The following TPP1 variants were observed in gnomAD, a reference collection of about 807,000 sequenced individuals.
TPP1 encodes tripeptidyl-peptidase 1.
TPP1 carries 43 observed loss-of-function variants against 67.6 expected under a neutral mutation model. That is an observed-to-expected ratio of 0.64 (90% CI 0.50 to 0.82). TPP1 has a LOEUF of 0.82. Among genes scored for constraint, TPP1 ranks in the 40% least tolerant of loss-of-function variants. TPP1 has a pLI of 0.00. For synonymous variants in TPP1, 272 were observed against 281.5 expected (o/e 0.97, Z 0.34); for missense variants, 671 against 710.9 (o/e 0.94, Z 0.64).
chr11:6,617,816 C>T, intron 3 of TPP1, 40 bp from the exon 4 acceptor site: 1 of 1,613,884 alleles, frequency 6.2e-7, no homozygotes, highest in South Asian at 1.1e-5. Context: ...TCATTCATTG[C>T]TTTCCCAAAC....
Position 6,614,628 on chromosome 11 carries a change from C to T in TPP1, c.1610G>A (p.Cys537Tyr), listed in dbSNP as rs777744177. 2 of 1,614,022 alleles carry T rather than the reference C, an allele frequency of 1.2e-6. No individual in the cohort carries two copies. Among genetic ancestry groups the T allele is most frequent in the Non-Finnish European group, 1.7e-6 (2 of 1,180,024 alleles). The change falls in exon 13 of 13, where the codon TGC becomes TAC. Residue 537 changes from cysteine (C) to tyrosine (Y), a missense_variant. By Grantham distance (194) the Cys-to-Tyr change is radical. Transcript: ENST00000299427. ...TACAGGATCCCAGCCAGGACCAGAG[C>T]AGAAACCCTGGCCCTCTACCTCTTC... is the stretch of plus-strand genomic sequence containing the variant. ...LDEEVEGQGF[C>Y]SGPGWDPVTG...
At chr11:6,619,337 C>T in intron 1 of TPP1, 47 bp downstream of exon 1, 3 of 1,614,154 alleles carry the variant, frequency 1.9e-6, no homozygotes, top group East Asian at 2.2e-5. Context: ...CCAATGTGTG[C>T]TCCCTCCAAC....
In TPP1 at chr11:6,614,997, A is replaced by G. The variant is rs1403730443; in HGVS notation, c.1426-6T>C. The stretch of plus-strand genomic sequence containing the variant: ...CCAAACACTGGAGTAGAGGCCTACA[A>G]GAGTGAAGGTGCAAGTAGAGGTCAG... On this transcript the variant is annotated splice_region_variant and splice_polypyrimidine_tract_variant and intron_variant, in intron 11 of 12. Transcript: ENST00000299427. The G allele has an allele frequency of 7.4e-6, 12 of 1,614,034 alleles. No homozygotes were observed. Among genetic ancestry groups the G allele is most frequent in the African/African-American group, 5.3e-5 (4 of 74,912 alleles).
chr11:6,616,409 A>C lies in TPP1; in HGVS notation c.981T>G (p.Asp327Glu). Reference protein sequence around the residue: ...LPHVHTVSYGDDEDSLSSAYI... With the variant: ...LPHVHTVSYGEDEDSLSSAYI... ...AGGCGCTGCTGAGGGAGTCCTCATC[A>C]TCTCCATAGCTCACAGTATGCACAT... The change falls in exon 8 of 13, where the codon GAT (aspartate) becomes GAG (glutamate). Residue 327 changes from aspartate (D) to glutamate (E), a missense_variant. By Grantham distance (45) the Asp-to-Glu change is conservative (BLOSUM62 2). Coordinates refer to ENST00000299427, the MANE Select transcript of TPP1 (RefSeq NM_000391.4). The C allele has an allele frequency of 1.2e-6, 2 of 1,613,964 alleles. No homozygotes were observed. Among genetic ancestry groups the C allele is most frequent in the Non-Finnish European group, 1.7e-6 (2 of 1,180,008 alleles).
chr11:6,618,795 A>G lies in TPP1; in HGVS notation c.210T>C (p.Asp70=), dbSNP rs1250592540. ...AGGCACCGTATTGAGGAGAGCTGGG[A>G]TCCGACACAGCCTGCACCAGCTCCG... The part of the protein sequence containing the change: ...RLSELVQAVS[D]PSSPQYGKYL... The change falls in exon 3 of 13, where the codon GAT becomes GAC. Residue 70 remains aspartate, a synonymous_variant. Coordinates refer to ENST00000299427, the MANE Select transcript of TPP1 (RefSeq NM_000391.4). 2 of 1,613,940 alleles carry G rather than the reference A, an allele frequency of 1.2e-6. No homozygotes were observed. Among genetic ancestry groups the G allele is most frequent in the Admixed American group, 1.7e-5 (1 of 60,022 alleles).
rs994683573 is a variant in TPP1 at position 6,613,736 on chromosome 11, AC to A, written c.*809del. On this transcript the variant is annotated 3_prime_UTR_variant, in exon 13 of 13. Coordinates refer to ENST00000299427, the MANE Select transcript of TPP1 (RefSeq NM_000391.4). The stretch of plus-strand genomic sequence containing the variant: ...ATTGAAGGTGGGGTGAAAAGATGAC[AC>A]AGGTTTCTGGCTTGGTTGGAAAAAG... The A allele has an allele frequency of 2.0e-5, 3 of 152,680 alleles. No homozygotes were observed. Among genetic ancestry groups the A allele is most frequent in the African/African-American group, 7.2e-5 (3 of 41,436 alleles). The allele number at this position is 152,680 out of a possible 1,614,324, so 9.5% of individuals were successfully genotyped here.
intron 2 of TPP1, 130 bp downstream of exon 2, chr11:6,619,066 T>C (rs746805760): frequency 2.3e-4 from 332 of 1,468,356 alleles, no homozygotes; most frequent in Non-Finnish European, 2.6e-4. Flanking sequence ...GGACTGAGGC[T>C]AGGAACATAG....
rs148293107 is a variant in TPP1 at position 6,618,436 on chromosome 11, G to A, written c.229+340C>T. 3.1e-3 allele frequency: 1,633 copies of A among 525,540 alleles called. 22 individuals carry two copies. Among genetic ancestry groups the A allele is most frequent in the African/African-American group, 0.027 (1,438 of 52,564 alleles). The allele number at this position is 525,540 out of a possible 1,614,324, so 32.6% of individuals were successfully genotyped here. On this transcript the variant is annotated intron_variant, in intron 3 of 12. Transcript: ENST00000299427. The stretch of plus-strand genomic sequence containing the variant: ...GTGGGAATAAATAACGGAGTTGGTC[G>A]TAACAAAAGACGGCAAGAAGGAGAT...
chr11:6,613,449 C>T lies in TPP1; in HGVS notation c.*1097G>A, dbSNP rs939706114. 6.6e-6 allele frequency: 1 copy of T among 152,220 alleles called. No homozygotes were observed. Among genetic ancestry groups the T allele is most frequent in the African/African-American group, 2.4e-5 (1 of 41,448 alleles). 9.4% of individuals were successfully genotyped at this position (152,220 alleles called of 1,614,324 possible). On this transcript the variant is annotated 3_prime_UTR_variant, in exon 13 of 13. Transcript: ENST00000299427. ...GGGGCTGGAGGGGAAAGCCTGAATT[C>T]TATCCAGTAATCCTTGAAGGGTTTT...
chr11:6,614,914 G>T lies in TPP1; in HGVS notation c.1503C>A (p.Gly501=), dbSNP rs1408208445. Residue 501 remains glycine (G), a synonymous_variant, in exon 12 of 13, where the codon GGC becomes GGA. Transcript: ENST00000299427. ...GCTGGTAGAGCCTTGGGTTGAGAAA[G>T]CCAAGAGGGGGGCGGCCACTAAGGA... ...HRILSGRPPL[G]FLNPRLYQQH... 3.7e-6 allele frequency: 6 copies of T among 1,614,012 alleles called. No homozygotes were observed. The highest frequency in any genetic ancestry group is 4.2e-6 in the Non-Finnish European group (5 of 1,180,044).
Position 6,617,684 on chromosome 11 carries a change from C to T in TPP1, c.322G>A (p.Ala108Thr), listed in dbSNP as rs754458076. 1.9e-6 allele frequency: 3 copies of T among 1,614,220 alleles called. No individual in the cohort carries two copies. The highest frequency in any genetic ancestry group is 2.5e-6 in the Non-Finnish European group (3 of 1,180,042). ...TVQKWLLAAG[A>T]QKCHSVITQD... ...GTGATCACAGAATGGCACTTCTGGG[C>T]TCCGGCTGCCAAGAGCCATTTTTGC... Residue 108 changes from alanine to threonine, a missense_variant, in exon 4 of 13, where the codon GCC becomes ACC. Ala to Thr is a moderately conservative substitution (Grantham distance 58, BLOSUM62 0). Coordinates refer to ENST00000299427, the MANE Select transcript of TPP1 (RefSeq NM_000391.4).
At chr11:6,617,260 G>T in intron 5 of TPP1, 41 bp downstream of exon 5, 1 of 1,613,950 alleles carries the variant, frequency 6.2e-7, no homozygotes. Context: ...TCAGCCCCTG[G>T]ATCTGTGTGC....
intron 2 of TPP1, 105 bp from the exon 3 acceptor site, chr11:6,619,020 A>T: frequency 1.3e-6 from 2 of 1,548,930 alleles, no homozygotes; most frequent in Non-Finnish European, 1.8e-6. Flanking sequence ...GGAGGATCCT[A>T]GGAGCAGATA....
Position 6,617,028 on chromosome 11 carries a change from T to C in TPP1, c.634A>G (p.Thr212Ala), listed in dbSNP as rs753510626. ...PSVIRKRYNL[T>A]SQDVGSGTSN... ...GTGCCAGAGCCCACGTCTTGTGAGG[T>C]CAAGTTGTATCGCTTACGGATCACA... The change falls in exon 6 of 13, where the codon ACC becomes GCC. Residue 212 changes from threonine (T) to alanine (A), a missense_variant. Physicochemically the swap from Thr to Ala is moderately conservative, Grantham distance 58 (BLOSUM62 0). Coordinates refer to ENST00000299427, the MANE Select transcript of TPP1 (RefSeq NM_000391.4). The C allele has an allele frequency of 6.2e-7, 1 of 1,614,044 alleles. No homozygotes were observed. Among genetic ancestry groups the C allele is most frequent in the Non-Finnish European group, 8.5e-7 (1 of 1,179,990 alleles).
chr11:6,618,711 A>G, intron 3 of TPP1, 65 bp downstream of exon 3: 4 of 1,605,956 alleles, frequency 2.5e-6, no homozygotes, highest in Non-Finnish European at 3.4e-6. Flanking sequence ...TCGCCATCCC[A>G]TGCCCAACCC....
At chr11:6,615,594 G>A (rs1157141155) in intron 9 of TPP1, 32 bp from the exon 10 acceptor site, 3 of 1,613,592 alleles carry the variant, frequency 1.9e-6, no homozygotes, top group Non-Finnish European at 2.5e-6. Context: ...TGGATAGTAG[G>A]GGACCCAAGG....
chr11:6,613,632 T>C lies in TPP1; in HGVS notation c.*914A>G, dbSNP rs1418800744. The C allele has an allele frequency of 2.0e-5, 3 of 152,744 alleles. No individual in the cohort carries two copies. In the East Asian group the frequency reaches 5.8e-4, roughly 29 times the overall value. 9.5% of individuals were successfully genotyped at this position (152,744 alleles called of 1,614,324 possible). A position where few individuals can be genotyped will look rare whatever the true frequency, so the allele number is the denominator to read the frequency against. ...AAGTTCTAGATATACTTGGGAAATA[T>C]AATTGGAAGGACTTGTGGACTGATA... is the stretch of plus-strand genomic sequence containing the variant. On this transcript the variant is annotated 3_prime_UTR_variant, in exon 13 of 13. Coordinates refer to ENST00000299427, the MANE Select transcript of TPP1 (RefSeq NM_000391.4).
chr11:6,615,505 AT>A lies in TPP1; in HGVS notation c.1202del (p.Asn401MetfsTer26). On this transcript the variant is annotated frameshift_variant, in exon 10 of 13. Transcript: ENST00000299427. LOFTEE classifies it high-confidence loss of function. ...CACCACTGATATAGTCAACAATTTC[AT>A]TTGTGATGAGGAAAGGTTCCTGGAA... ...TSFQEPFLIT[N>X]EIVDYISGGG... 6.2e-7 allele frequency: 1 copy of A among 1,614,130 alleles called. No individual in the cohort carries two copies. The highest frequency in any genetic ancestry group is 8.5e-7 in the Non-Finnish European group (1 of 1,180,002).
rs398122959 is a variant in TPP1, at chr11:6,615,199, A to C, written c.1397T>G (p.Val466Gly). The C allele has an allele frequency of 6.2e-6, 10 of 1,613,966 alleles. No individual in the cohort carries two copies. The highest frequency in any genetic ancestry group is 8.5e-6 in the Non-Finnish European group (10 of 1,180,022). ...SDGYWVVSNR[V>G]PIPWVSGTSA... is the part of the protein sequence containing the mutation. ...GGTTCCGGACACCCATGGAATGGGC[A>C]CTCTGTTGCTGACCACCCAGTAGCC... Residue 466 changes from valine to glycine, a missense_variant, in exon 11 of 13, where the codon GTG becomes GGG. Coordinates refer to ENST00000299427, the MANE Select transcript of TPP1 (RefSeq NM_000391.4).
Sources: allele counts gnomAD v4.1 joint callset, GRCh38; gene constraint gnomAD v4.1.1; transcripts MANE v1.5; gene names NCBI Gene and HGNC (gene_info 2026-07-23, HGNC 2026-07-21).